Variants in GPHN observed in about 807,000 individuals in gnomAD.
GPHN encodes the protein gephyrin.
A neutral mutation model predicts 95.5 loss-of-function variants in GPHN; 17 were observed. That is an observed-to-expected ratio of 0.18 (90% CI 0.12 to 0.27). GPHN has a LOEUF of 0.27. Ranked by LOEUF, GPHN falls within the 10% of genes least tolerant of loss-of-function variation. The pLI is 1.00. For missense variants in GPHN, 660 were observed against 978.1 expected (o/e 0.67, Z 4.34); for synonymous variants, 320 against 322.5 (o/e 0.99, Z 0.08).
intron 2 of GPHN, among the ~76,000 whole-genome samples, chr14:66,757,156 G>A (rs2058586396): frequency 6.6e-6 from 1 of 152,044 alleles, no homozygotes; most frequent in South Asian, 2.1e-4. Context: ...AAACCATGGA[G>A]TTATGAAAAA....
chr14:66,522,194 A>G (rs562102283), intron 1 of GPHN, among the ~76,000 whole-genome samples: 1 of 152,276 alleles, frequency 6.6e-6, no homozygotes, highest in East Asian at 1.9e-4. Flanking sequence ...GTGGTTCTCT[A>G]AAGACATTTT....
the GPHN span, among the ~76,000 whole-genome samples, chr14:67,438,912 C>T: frequency 1.3e-5 from 2 of 151,012 alleles, no homozygotes; most frequent in African/African-American, 4.9e-5. Context: ...GATTCTCACA[C>T]CCAGAGGGTC....
chr14:67,544,039 G>A, the GPHN span, among the ~76,000 whole-genome samples: 1 of 152,210 alleles, frequency 6.6e-6, no homozygotes, highest in African/African-American at 2.4e-5. Context: ...CTGGCCAGCT[G>A]GAGGTTGGAG....
At chr14:67,533,007 T>G in the GPHN span, among the ~76,000 whole-genome samples, 1 of 152,038 alleles carries the variant, frequency 6.6e-6, no homozygotes, top group African/African-American at 2.4e-5. Context: ...CCGCCCTCCC[T>G]GCCGCCCCAG....
chr14:67,010,508 T>C (rs1263992415), intron 9 of GPHN, among the ~76,000 whole-genome samples: 3 of 141,378 alleles, frequency 2.1e-5, no homozygotes, highest in Non-Finnish European at 4.5e-5. Flanking sequence ...GCCGAGATCA[T>C]GCCACTGCAC....
At chr14:67,225,234 G>A in the GPHN span, 2 of 1,523,302 alleles carry the variant, frequency 1.3e-6, no homozygotes, top group Non-Finnish European at 1.8e-6. Flanking sequence ...AAAAGACAAA[G>A]TTGATGGAAA....
In GPHN at chr14:67,062,214, T is replaced by G. The variant is rs368579577; in HGVS notation, c.1144+3428T>G. Among the ~76,000 whole-genome samples, 53 of 152,334 alleles carry G rather than the reference T, an allele frequency of 3.5e-4. 1 individual carries two copies. The South Asian group carries it at 0.011, about 32-fold the overall frequency. Reference sequence around the variant, plus strand: ...TAGAATATTTTCTTTACCAAGTGTATTTGCGTTTTAATGAGCAAACCTTTA... The same window carrying G: ...TAGAATATTTTCTTTACCAAGTGTAGTTGCGTTTTAATGAGCAAACCTTTA... On this transcript the variant is annotated intron_variant, in intron 11 of 22. Coordinates refer to ENST00000478722, the MANE Select transcript of GPHN (RefSeq NM_020806.5).
intron 2 of GPHN, among the ~76,000 whole-genome samples, chr14:66,730,636 G>A (rs1156971418): frequency 1.3e-5 from 2 of 152,062 alleles, no homozygotes; most frequent in Non-Finnish European, 2.9e-5. Flanking sequence ...TATGTTCAAG[G>A]CATCTTGATC....
chr14:66,707,496 G>A (rs931777181), intron 2 of GPHN, among the ~76,000 whole-genome samples: 3 of 152,142 alleles, frequency 2.0e-5, no homozygotes, highest in Non-Finnish European at 4.4e-5. Context: ...AACAGAGAAT[G>A]CGATCATGTC....
At chr14:67,631,023 C>A in the GPHN span, among the ~76,000 whole-genome samples, 1 of 152,190 alleles carries the variant, frequency 6.6e-6, no homozygotes, top group Non-Finnish European at 1.5e-5. Context: ...GACCCCCTCC[C>A]CTCTGACAGT....
At chr14:66,792,810 T>A (rs1359862370) in intron 3 of GPHN, among the ~76,000 whole-genome samples, 2 of 152,230 alleles carry the variant, frequency 1.3e-5, no homozygotes, top group African/African-American at 4.8e-5. Flanking sequence ...GCTGAGAGCC[T>A]GAACAGAGAT....
rs558066756 is a variant in GPHN, at chr14:67,158,426, A to G, written c.1837-989A>G. 3.3e-5 allele frequency among the ~76,000 whole-genome samples: 5 copies of G among 152,246 alleles called. No individual in the cohort carries two copies. In the South Asian group the frequency reaches 1.0e-3, roughly 32 times the overall value. ...TCTGTTACTACTGTGGGGAGAATGA[A>G]TTGGAGGAGGGTGGCACTATTGGCA... On this transcript the variant is annotated intron_variant, in intron 18 of 22. Transcript: ENST00000478722.
At chr14:67,630,385 C>A in the GPHN span, among the ~76,000 whole-genome samples, 1 of 152,124 alleles carries the variant, frequency 6.6e-6, no homozygotes, top group Non-Finnish European at 1.5e-5. Context: ...ACTGGCAAGG[C>A]CTCTGCCTAA....
chr14:67,573,912 A>AT, the GPHN span: 1 of 1,550,260 alleles, frequency 6.5e-7, no homozygotes, highest in South Asian at 1.1e-5. This position sits in a 1 kb window ranked among gnomAD's most constrained non-coding sequence, Gnocchi z 4.8. Flanking sequence ...GGCTGCTAGT[A>AT]TTTTAAACAG....
chr14:67,522,955 A>G, the GPHN span, among the ~76,000 whole-genome samples: 1 of 152,200 alleles, frequency 6.6e-6, no homozygotes. Flanking sequence ...TCAGATGCCA[A>G]TTAATTAACA....
chr14:66,570,979 G>A (rs545655428), intron 1 of GPHN, among the ~76,000 whole-genome samples: 1 of 152,108 alleles, frequency 6.6e-6, no homozygotes, highest in South Asian at 2.1e-4. Context: ...TTGCTCTTTA[G>A]TAGTTTGAGT....
chr14:66,642,566 T>TTTG (rs996226622), intron 1 of GPHN, among the ~76,000 whole-genome samples: 2 of 151,858 alleles, frequency 1.3e-5, no homozygotes, highest in Admixed American at 6.6e-5. Flanking sequence ...TTTGTTTTTT[T>TTTG]TTTTTTTGAA....
At chr14:67,665,025 C>A in the GPHN span, among the ~76,000 whole-genome samples, 13 of 152,146 alleles carry the variant, frequency 8.5e-5, no homozygotes, top group African/African-American at 2.9e-4. Flanking sequence ...ACCACCACAA[C>A]CAGATAATTT....
intron 10 of GPHN, among the ~76,000 whole-genome samples, chr14:67,045,437 GTC>G (rs1484610370): frequency 6.8e-6 from 1 of 146,046 alleles, no homozygotes; most frequent in Non-Finnish European, 1.5e-5. Flanking sequence ...TTCTGTCTTT[GTC>G]TCTCTCTGTC....
Sources: gnomAD v4.1 joint callset for allele counts (sites outside exome capture counted in the v4.1 genomes callset) on GRCh38, gnomAD v4.1.1 for gene constraint, Gnocchi (gnomAD v3.1) non-coding constraint, MANE v1.5 for transcripts, NCBI Gene and HGNC (gene_info 2026-07-23, HGNC 2026-07-21) for gene names.